ARPC2: variants seen among roughly 807,000 people sequenced by gnomAD.
ARPC2 encodes actin related protein 2/3 complex subunit 2.
Under a neutral mutation model 38.6 loss-of-function variants are expected in ARPC2, and 4 were observed. That is an observed-to-expected ratio of 0.10 (90% CI 0.05 to 0.24). ARPC2 has a LOEUF of 0.24. Among genes scored for constraint, ARPC2 ranks in the 10% least tolerant of loss-of-function variants. The pLI, the probability that ARPC2 is intolerant of heterozygous loss-of-function variation, is 1.00. For synonymous variants in ARPC2, 125 were observed against 140.8 expected (o/e 0.89, Z 0.79); for missense variants, 229 against 387.3 (o/e 0.59, Z 3.43).
At chr2:218,237,610 G>A (rs1017255077) in intron 5 of ARPC2, among the ~76,000 whole-genome samples, 2 of 143,820 alleles carry the variant, frequency 1.4e-5, no homozygotes, top group Non-Finnish European at 3.0e-5. Context: ...CTGGAGTCTC[G>A]CTCTGTTGTG....
chr2:218,234,115 G>A (rs1363874887), intron 4 of ARPC2: 2 of 326,852 alleles, frequency 6.1e-6, no homozygotes, highest in Non-Finnish European at 5.6e-6. Flanking sequence ...GTTGTGGTGA[G>A]CCGAGATCGC....
At chr2:218,231,669 A>G (rs1689637117) in intron 4 of ARPC2, among the ~76,000 whole-genome samples, 1 of 152,218 alleles carries the variant, frequency 6.6e-6, no homozygotes, top group Non-Finnish European at 1.5e-5. Flanking sequence ...GAAATACCTC[A>G]CAGTGGCTGT....
chr2:218,240,881 G>A (rs968225470), intron 7 of ARPC2, among the ~76,000 whole-genome samples: 3 of 83,132 alleles, frequency 3.6e-5, no homozygotes, highest in African/African-American at 7.9e-5. Context: ...CAAAAAGAGC[G>A]AAACTCCGAC....
intron 10 of ARPC2, among the ~76,000 whole-genome samples, chr2:218,251,353 A>G (rs907256347): frequency 6.6e-6 from 1 of 152,298 alleles, no homozygotes; most frequent in East Asian, 1.9e-4. Context: ...CTGGGACTAC[A>G]GGCGTGCGCC....
chr2:218,247,253 G>A (rs761616398), intron 8 of ARPC2, among the ~76,000 whole-genome samples: 9 of 152,250 alleles, frequency 5.9e-5, no homozygotes, highest in South Asian at 2.1e-4. Flanking sequence ...CCACTTTTTC[G>A]CGGAATAAAT....
At chr2:218,217,378 T>C in intron 1 of ARPC2, 85 bp from the exon 2 acceptor site, 1 of 1,036,780 alleles carries the variant, frequency 9.6e-7, no homozygotes, top group Non-Finnish European at 1.4e-6. Flanking sequence ...CCAGCCCCAC[T>C]CAGGGGGCAG....
In ARPC2 at chr2:218,249,442, A is replaced by G; in HGVS notation, c.755A>G (p.His252Arg). The part of the protein sequence containing the change: ...NLIHTFRDYL[H>R]YHIKCSKAYI... ...ATCCACACGTTCCGGGACTACCTGC[A>G]CTACCACATCAAGTGCTCTAAGGTG... The change falls in exon 9 of 11, where the codon CAC (histidine) becomes CGC (arginine). Residue 252 changes from histidine (H) to arginine (R), a missense_variant. Coordinates refer to ENST00000315717, the MANE Select transcript of ARPC2 (RefSeq NM_152862.3). 6.2e-7 allele frequency: 1 copy of G among 1,612,192 alleles called. No individual in the cohort carries two copies.
chr2:218,221,870 T>G (rs1689390715), intron 2 of ARPC2, among the ~76,000 whole-genome samples: 1 of 152,200 alleles, frequency 6.6e-6, no homozygotes, highest in East Asian at 1.9e-4. Context: ...TTATAGAAGA[T>G]TTAAAGGAGA....
chr2:218,230,130 C>G (rs978836116), intron 4 of ARPC2, among the ~76,000 whole-genome samples: 1 of 151,990 alleles, frequency 6.6e-6, no homozygotes, highest in Non-Finnish European at 1.5e-5. Context: ...ACCGCTACAC[C>G]TGGCTAATTT....
At chr2:218,217,342 C>A in intron 1 of ARPC2, 88 bp downstream of exon 1, 1 of 821,972 alleles carries the variant, frequency 1.2e-6, no homozygotes, top group South Asian at 1.5e-5. Flanking sequence ...GCCCCTCTCC[C>A]CTTCTCCCCT....
chr2:218,245,835 G>A (rs1261715100), intron 8 of ARPC2, among the ~76,000 whole-genome samples: 1 of 152,056 alleles, frequency 6.6e-6, no homozygotes, highest in African/African-American at 2.4e-5. Flanking sequence ...CCCTTCAATA[G>A]TTCAGCTGGT....
chr2:218,242,604 T>A (rs1284765348), intron 7 of ARPC2, among the ~76,000 whole-genome samples: 1 of 152,188 alleles, frequency 6.6e-6, no homozygotes, highest in Non-Finnish European at 1.5e-5. Flanking sequence ...TAGTGGCATT[T>A]TATCATCTAC....
rs570200730 is a variant in ARPC2, at chr2:218,238,893, C to T, written c.455+43C>T. The T allele has an allele frequency of 5.5e-5, 80 of 1,451,364 alleles. 3 individuals carry two copies. The South Asian group carries it at 9.7e-4, about 18-fold the overall frequency. 89.9% of individuals were successfully genotyped at this position (1,451,364 alleles called of 1,614,324 possible). On this transcript the variant is annotated intron_variant, in intron 6 of 10. Transcript: ENST00000315717. ...TCCTGAAGCCTGGATATGGCTGCTA[C>T]ACCACCATGGCACTTACTGAAAGAA...
chr2:218,222,569 G>A (rs1426882474), intron 2 of ARPC2, among the ~76,000 whole-genome samples: 2 of 152,140 alleles, frequency 1.3e-5, no homozygotes, highest in African/African-American at 4.8e-5. Flanking sequence ...AGACATTACA[G>A]CAGTCTGACA....
chr2:218,224,092 T>C (rs1051830521), intron 2 of ARPC2, among the ~76,000 whole-genome samples: 3 of 152,210 alleles, frequency 2.0e-5, no homozygotes, highest in African/African-American at 7.2e-5. Flanking sequence ...ATGAATGTGA[T>C]TTGACAAATA....
rs997018488 is a variant in ARPC2, at chr2:218,249,642, C to G, written c.777+178C>G. On this transcript the variant is annotated intron_variant, in intron 9 of 10. Transcript: ENST00000315717. ...TCAAGCCACTGTCCCCCATCCCTCC[C>G]TATAGCAGAGATGAATATTTGTTTC... 1.2e-5 allele frequency: 9 copies of G among 744,244 alleles called. No individual in the cohort carries two copies. The African/African-American group carries it at 1.6e-4, about 13-fold the overall frequency. The allele number at this position is 744,244 out of a possible 1,614,324, so 46.1% of individuals were successfully genotyped here. A position where few individuals can be genotyped will look rare whatever the true frequency, so the allele number is the denominator to read the frequency against.
chr2:218,229,086 G>A (rs1191378070), intron 4 of ARPC2: 1 of 351,622 alleles, frequency 2.8e-6, no homozygotes, highest in African/African-American at 2.1e-5. Flanking sequence ...CAAAAACATA[G>A]CAAAGAATAC....
chr2:218,220,023 C>T (rs184083151), intron 2 of ARPC2, among the ~76,000 whole-genome samples: 6 of 152,192 alleles, frequency 3.9e-5, no homozygotes, highest in African/African-American at 1.4e-4. Context: ...TTATCATAAA[C>T]ATGTATGGGA....
chr2:218,253,797 G>C (rs1690250521), intron 10 of ARPC2, 94 bp from the exon 11 acceptor site: 5 of 1,431,934 alleles, frequency 3.5e-6, no homozygotes. Flanking sequence ...CCTCTCATTT[G>C]GTGTTTCTTT....
Sources: allele counts gnomAD v4.1 joint callset (sites outside exome capture counted in the v4.1 genomes callset), GRCh38; gene constraint gnomAD v4.1.1; transcripts MANE v1.5; gene names NCBI Gene and HGNC (gene_info 2026-07-23, HGNC 2026-07-21).